Variants in FAH observed in about 807,000 individuals in gnomAD.
FAH encodes fumarylacetoacetase.
Under a neutral mutation model 55.8 loss-of-function variants are expected in FAH, and 47 were observed. The ratio of observed to expected loss-of-function variants is 0.84; its 90% CI spans 0.67 to 1.07. FAH has a LOEUF of 1.07. FAH is among the 50% of genes least tolerant of loss of function. FAH has a pLI of 0.00. For synonymous variants in FAH, 199 were observed against 207.7 expected (o/e 0.96, Z 0.36); for missense variants, 495 against 545.9 (o/e 0.91, Z 0.93).
In FAH at chr15:80,158,092, C is replaced by A. The variant is rs1350504311; in HGVS notation, c.114C>A (p.Asp38Glu). The change falls in exon 2 of 14, where the codon GAC (aspartate) becomes GAA (glutamate). Residue 38 changes from aspartate (D) to glutamate (E), a missense_variant. Asp to Glu is a conservative substitution (Grantham distance 45, BLOSUM62 2). Coordinates refer to ENST00000561421, the MANE Select transcript of FAH (RefSeq NM_000137.4). Reference protein sequence around the residue: ...PRPRIGVAIGDQILDLSIIKH... With the variant: ...PRPRIGVAIGEQILDLSIIKH... ...CGAGGATAGGTGTGGCCATTGGCGACCAGATCCTGGACCTCAGCATCATCA... is the reference window on the plus strand; with the variant it reads ...CGAGGATAGGTGTGGCCATTGGCGAACAGATCCTGGACCTCAGCATCATCA... 5 of 1,613,942 alleles carry A rather than the reference C, an allele frequency of 3.1e-6. No individual in the cohort carries two copies. The East Asian group carries it at 8.9e-5, about 29-fold the overall frequency.
intron 4 of FAH, chr15:80,160,672 T>A (rs2041141465): frequency 2.9e-6 from 2 of 685,424 alleles, no homozygotes; most frequent in Admixed American, 4.1e-5. Flanking sequence ...CCTCAGGTAG[T>A]GAGTTGCAGA....
In FAH at chr15:80,180,184, C is replaced by A. The variant is rs11555096; in HGVS notation, c.1021C>A (p.Arg341=). ...THHSVNGCNL[R]PGDLLASGTI... ...CCACTCTGTCAACGGCTGCAACCTGCGGCCGGGGGACCTCCTGGCTTCTGG... is the reference window on the plus strand; with the variant it reads ...CCACTCTGTCAACGGCTGCAACCTGAGGCCGGGGGACCTCCTGGCTTCTGG... The change falls in exon 12 of 14, where the codon CGG becomes AGG. Residue 341 remains arginine, a synonymous_variant. Coordinates refer to ENST00000561421, the MANE Select transcript of FAH (RefSeq NM_000137.4). The A allele has an allele frequency of 1.2e-6, 2 of 1,609,750 alleles. No individual in the cohort carries two copies. The highest frequency in any genetic ancestry group is 1.7e-6 in the Non-Finnish European group (2 of 1,179,948).
intron 13 of FAH, among the ~76,000 whole-genome samples, chr15:80,182,031 A>G (rs554555468): frequency 6.6e-6 from 1 of 152,212 alleles, no homozygotes; most frequent in Non-Finnish European, 1.5e-5. Context: ...ATAAGGTACA[A>G]GTTCAAAATC....
intron 1 of FAH, chr15:80,157,814 T>G: frequency 1.8e-6 from 1 of 552,632 alleles, no homozygotes; most frequent in Non-Finnish European, 3.2e-6. Context: ...CTTCCCCCAG[T>G]CCAAGGGATA....
rs1315661998 is a variant in FAH, at chr15:80,181,127, T to G, written c.1148T>G (p.Phe383Cys). The G allele has an allele frequency of 1.9e-6, 3 of 1,613,624 alleles. No individual in the cohort carries two copies. Among genetic ancestry groups the G allele is most frequent in the Non-Finnish European group, 2.5e-6 (3 of 1,179,722 alleles). ...CTGGGGAATGGTCAGACCAGGAAGT[T>G]TCTGCTGGACGGGGATGAAGTCATC... ...IDLGNGQTRK[F>C]LLDGDEVIIT... is the part of the protein sequence containing the mutation. Residue 383 changes from phenylalanine to cysteine, a missense_variant, in exon 13 of 14, where the codon TTT becomes TGT. Phe to Cys is a radical substitution (Grantham distance 205, BLOSUM62 -2). Transcript: ENST00000561421.
chr15:80,184,983 C>T (rs991856110), intron 13 of FAH, among the ~76,000 whole-genome samples: 2 of 152,306 alleles, frequency 1.3e-5, no homozygotes, highest in East Asian at 3.9e-4. Flanking sequence ...CCCACTCCCT[C>T]TAAGTGGACC....
intron 11 of FAH, among the ~76,000 whole-genome samples, chr15:80,178,090 C>G (rs1298332127): frequency 6.6e-6 from 1 of 152,126 alleles, no homozygotes; most frequent in African/African-American, 2.4e-5. Flanking sequence ...GTCCCGGCTA[C>G]TTGGGAGGCT....
At chr15:80,167,936 AT>A (rs1229067022) in intron 5 of FAH, 115 bp from the exon 6 acceptor site, 11 of 801,958 alleles carry the variant, frequency 1.4e-5, no homozygotes, top group Non-Finnish European at 2.2e-5. Flanking sequence ...GCACCTGTTG[AT>A]TTTTGAGCCA....
In FAH at chr15:80,158,155, G is replaced by T; in HGVS notation, c.177G>T (p.Gln59His). The T allele has an allele frequency of 6.2e-7, 1 of 1,612,946 alleles. No homozygotes were observed. The highest frequency in any genetic ancestry group is 8.5e-7 in the Non-Finnish European group (1 of 1,178,896). ...CTGGTCCTGTCCTCTCCAAACACCA[G>T]GATGTCTTCAATCAGGTAGGACATT... ...LFTGPVLSKH[Q>H]DVFNQPTLNS... The change falls in exon 2 of 14, where the codon CAG becomes CAT. Residue 59 changes from glutamine (Q) to histidine (H), a missense_variant. Gln to His is a conservative substitution (Grantham distance 24). Coordinates refer to ENST00000561421, the MANE Select transcript of FAH (RefSeq NM_000137.4).
chr15:80,174,932 T>C (rs2142103170), intron 9 of FAH, 84 bp from the exon 10 acceptor site: 3 of 1,104,944 alleles, frequency 2.7e-6, no homozygotes, highest in Non-Finnish European at 4.2e-6. Flanking sequence ...CAGGTGCTGC[T>C]GGGGGCCTGG....
intron 5 of FAH, among the ~76,000 whole-genome samples, chr15:80,165,238 A>T (rs1423445137): frequency 1.3e-5 from 2 of 151,934 alleles, no homozygotes; most frequent in Non-Finnish European, 2.9e-5. Context: ...TAAAAATACA[A>T]AAATTAGCAG....
At chr15:80,158,398 A>G (rs1471095325) in intron 2 of FAH, among the ~76,000 whole-genome samples, 2 of 152,136 alleles carry the variant, frequency 1.3e-5, no homozygotes, top group Admixed American at 1.3e-4. Context: ...CTAGGTGAAA[A>G]AAGTGTCAGT....
chr15:80,180,833 A>T (rs539566386), intron 12 of FAH, among the ~76,000 whole-genome samples: 1 of 152,232 alleles, frequency 6.6e-6, no homozygotes, highest in African/African-American at 2.4e-5. Context: ...TCCTTAGTGG[A>T]ACCATTGCTG....
At chr15:80,164,388 A>T (rs1444823372) in intron 5 of FAH, among the ~76,000 whole-genome samples, 1 of 152,164 alleles carries the variant, frequency 6.6e-6, no homozygotes, top group African/African-American at 2.4e-5. Flanking sequence ...TTTAGGGTTC[A>T]CTCAAATAAC....
At chr15:80,160,652 T>C in intron 4 of FAH, 193 bp downstream of exon 4, 2 of 697,122 alleles carry the variant, frequency 2.9e-6, no homozygotes, top group Non-Finnish European at 5.2e-6. Context: ...TCACTCAGGC[T>C]ATTATCTTGC....
At position 80,159,859 on chromosome 15, in the gene FAH, A is replaced by G. The variant is rs547847694; in HGVS notation, c.296A>G (p.Asp99Gly). ...LSVSQARLRD[D>G]TELRKCAFIS... ...GTGAGCCAAGCCAGGCTCAGAGATG[A>G]CACCGAACTTCGGAAGTGGTGAGAA... Residue 99 changes from aspartate to glycine, a missense_variant, in exon 3 of 14, where the codon GAC (aspartate) becomes GGC (glycine). Physicochemically the swap from Asp to Gly is moderately conservative, Grantham distance 94 (BLOSUM62 -1). Coordinates refer to ENST00000561421, the MANE Select transcript of FAH (RefSeq NM_000137.4). The G allele has an allele frequency of 3.3e-4, 530 of 1,614,226 alleles. 5 individuals carry two copies. In the South Asian group the frequency reaches 5.6e-3, roughly 17 times the overall value.
At chr15:80,160,053 T>A in intron 3 of FAH, 176 bp downstream of exon 3, 1 of 904,952 alleles carries the variant, frequency 1.1e-6, no homozygotes, top group Non-Finnish European at 1.7e-6. Context: ...TTGGGAGGAC[T>A]GGGATTGCCT....
chr15:80,168,159 C>T lies in FAH; in HGVS notation c.553+10C>T, dbSNP rs201051426. 3.2e-4 allele frequency: 510 copies of T among 1,613,026 alleles called. 1 individual carries two copies. Among genetic ancestry groups the T allele is most frequent in the Admixed American group, 1.9e-3 (112 of 59,984 alleles). On this transcript the variant is annotated intron_variant, in intron 6 of 13. Transcript: ENST00000561421. ...ATGAAACCTGATGACTGTGAGTGAC[C>T]GCAGCGTCCAGGCCTTGCTGGTACC...
intron 12 of FAH, 65 bp downstream of exon 12, chr15:80,180,290 G>A: frequency 1.5e-6 from 2 of 1,327,780 alleles, no homozygotes; most frequent in Non-Finnish European, 2.1e-6. Flanking sequence ...ACAGCCCCAA[G>A]GGCCCTCAGC....
Sources: allele counts gnomAD v4.1 joint callset (sites outside exome capture counted in the v4.1 genomes callset), GRCh38; gene constraint gnomAD v4.1.1; transcripts MANE v1.5; gene names NCBI Gene and HGNC (gene_info 2026-07-23, HGNC 2026-07-21).